Variants in DLG2 observed in about 807,000 individuals in gnomAD.
DLG2 encodes the protein disks large homolog 2.
DLG2 carries 45 observed loss-of-function variants against 132.5 expected under a neutral mutation model. The ratio of observed to expected loss-of-function variants is 0.34; its 90% CI spans 0.27 to 0.44. The LOEUF (loss-of-function observed/expected upper bound fraction) is 0.44, where lower values mean the gene tolerates loss of function less well. Ranked by LOEUF, DLG2 falls within the 20% of genes least tolerant of loss-of-function variation. The pLI, the probability that DLG2 is intolerant of heterozygous loss-of-function variation, is 1.00. For missense variants in DLG2, 1,045 were observed against 1,196.9 expected, an observed-to-expected ratio of 0.87 and a Z score of 1.87; for synonymous variants, 424 against 419.6, an observed-to-expected ratio of 1.01 and a Z score of -0.13.
chr11:83,688,585 G>T (rs2080255147), intron 18 of DLG2, among the ~76,000 whole-genome samples: 1 of 152,142 alleles, frequency 6.6e-6, no homozygotes, highest in South Asian at 2.1e-4. Context: ...ACAGTTTATA[G>T]AAATTGTGGC....
At chr11:84,517,963 T>A (rs898692696) in intron 7 of DLG2, among the ~76,000 whole-genome samples, 1 of 151,772 alleles carries the variant, frequency 6.6e-6, no homozygotes, top group Non-Finnish European at 1.5e-5. Flanking sequence ...CTCATAGAAG[T>A]AGAGAGTAGA....
intron 4 of DLG2, among the ~76,000 whole-genome samples, chr11:85,223,612 T>A (rs2074796761): frequency 6.6e-6 from 1 of 152,050 alleles, no homozygotes; most frequent in Non-Finnish European, 1.5e-5. Flanking sequence ...GCACTCCAGT[T>A]TGGGCAATAG....
At chr11:84,506,318 G>A (rs945871036) in intron 7 of DLG2, among the ~76,000 whole-genome samples, 16 of 151,592 alleles carry the variant, frequency 1.1e-4, no homozygotes, top group Admixed American at 5.3e-4. Context: ...CTCGTGATCC[G>A]CCCGCCTCGG....
chr11:85,583,118 GTGTGTGTGTGTGTATATATATATATA>G (rs1405043211), intron 3 of DLG2, among the ~76,000 whole-genome samples: 1,115 of 58,468 alleles, frequency 0.019, 12 homozygotes, highest in Non-Finnish European at 0.029. Flanking sequence ...GTGTGTGTGT[GTGTGTGTGTGTGTATATATATATATA>G]TATATATATA....
intron 4 of DLG2, among the ~76,000 whole-genome samples, chr11:85,170,581 T>G (rs923083764): frequency 2.6e-5 from 4 of 152,106 alleles, no homozygotes; most frequent in African/African-American, 9.7e-5. Context: ...GTACCATAAT[T>G]TGAGGTATCA....
intron 4 of DLG2, among the ~76,000 whole-genome samples, chr11:85,267,764 G>A (rs1038821775): frequency 2.1e-4 from 32 of 152,004 alleles, no homozygotes; most frequent in African/African-American, 7.7e-4. Flanking sequence ...TTTTCTTAAG[G>A]AAATCATATT....
intron 5 of DLG2, among the ~76,000 whole-genome samples, chr11:85,127,553 T>G (rs1376648135): frequency 1.3e-5 from 2 of 152,194 alleles, no homozygotes; most frequent in African/African-American, 4.8e-5. Flanking sequence ...GAGAACAGAT[T>G]GCCTGTTGTA....
intron 6 of DLG2, among the ~76,000 whole-genome samples, chr11:84,912,770 G>C (rs2092192172): frequency 6.6e-6 from 1 of 152,252 alleles, no homozygotes; most frequent in African/African-American, 2.4e-5. Flanking sequence ...GACTGAATGA[G>C]GTTACAGTAG....
At chr11:84,060,422 T>A (rs2096572861) in intron 10 of DLG2, among the ~76,000 whole-genome samples, 1 of 152,152 alleles carries the variant, frequency 6.6e-6, no homozygotes. Context: ...TCTTACAATA[T>A]TATAAATACT....
chr11:84,480,909 T>C (rs1602980172), intron 7 of DLG2, among the ~76,000 whole-genome samples: 1 of 152,210 alleles, frequency 6.6e-6, no homozygotes, highest in East Asian at 1.9e-4. Context: ...TGGTTGATTT[T>C]TGTATTTTTA....
intron 18 of DLG2, among the ~76,000 whole-genome samples, chr11:83,734,921 A>G (rs1165053496): frequency 6.6e-6 from 1 of 151,902 alleles, no homozygotes; most frequent in African/African-American, 2.4e-5. Context: ...CATTTTATAC[A>G]TATTTGTCGT....
At chr11:85,183,119 AT>A (rs2079845930) in intron 4 of DLG2, among the ~76,000 whole-genome samples, 1 of 151,824 alleles carries the variant, frequency 6.6e-6, no homozygotes, top group South Asian at 2.1e-4. Flanking sequence ...GAATATTAGC[AT>A]TCTTATATTT....
rs188738356 is a variant in DLG2, at chr11:84,133,096, C to T, written c.624+30365G>A. On this transcript the variant is annotated intron_variant, in intron 9 of 27. Transcript: ENST00000376104. Reference sequence around the variant, plus strand: ...TAAATGAAAGTTTAAACAGTTAAGTCGAGGTTGGCATGCTGTAGCATAGGC... The same window carrying T: ...TAAATGAAAGTTTAAACAGTTAAGTTGAGGTTGGCATGCTGTAGCATAGGC... 1.3e-3 allele frequency among the ~76,000 whole-genome samples: 200 copies of T among 152,098 alleles called. 1 individual carries two copies. The highest frequency in any genetic ancestry group is 4.4e-3 in the African/African-American group (181 of 41,524).
chr11:83,924,797 C>T (rs375709413), intron 15 of DLG2, among the ~76,000 whole-genome samples: 1 of 152,080 alleles, frequency 6.6e-6, no homozygotes, highest in African/African-American at 2.4e-5. Flanking sequence ...AGGCTGCCAA[C>T]GTTATGATTT....
intron 19 of DLG2, chr11:83,631,708 G>A (rs1362017343): frequency 2.0e-5 from 3 of 151,964 alleles, no homozygotes; most frequent in Non-Finnish European, 4.4e-5. Context: ...AACAATTTAT[G>A]CATTCTATCT....
At chr11:84,081,926 C>T (rs752688929) in intron 10 of DLG2, among the ~76,000 whole-genome samples, 3 of 152,260 alleles carry the variant, frequency 2.0e-5, no homozygotes, top group Middle Eastern at 3.4e-3. Context: ...CTAGTTTACA[C>T]TGCCACCAAC....
intron 3 of DLG2, among the ~76,000 whole-genome samples, chr11:85,542,431 G>T (rs1455250025): frequency 6.6e-6 from 1 of 152,112 alleles, no homozygotes; most frequent in Admixed American, 6.5e-5. Context: ...CAAAGGATCT[G>T]GGAATCCTTT....
intron 5 of DLG2, among the ~76,000 whole-genome samples, chr11:85,150,956 GT>G (rs1242239131): frequency 2.0e-5 from 3 of 152,056 alleles, no homozygotes; most frequent in Admixed American, 6.6e-5. Context: ...TCTTTATACT[GT>G]TTTCCATAAT....
At chr11:83,815,468 T>G (rs1031260860) in intron 17 of DLG2, among the ~76,000 whole-genome samples, 15 of 152,058 alleles carry the variant, frequency 9.9e-5, no homozygotes, top group African/African-American at 3.4e-4. Flanking sequence ...GGTGGGAAGG[T>G]TGGTTAAGGG....
Sources: gnomAD v4.1 joint callset for allele counts (sites outside exome capture counted in the v4.1 genomes callset) on GRCh38, gnomAD v4.1.1 for gene constraint, MANE v1.5 for transcripts, NCBI Gene and HGNC (gene_info 2026-07-23, HGNC 2026-07-21) for gene names.